The following BCAS3 variants were observed in gnomAD, a reference collection of about 807,000 sequenced individuals.
BCAS3 encodes BCAS3 microtubule associated cell migration factor.
A neutral mutation model predicts 116.1 loss-of-function variants in BCAS3; 53 were observed. The ratio of observed to expected loss-of-function variants is 0.46; its 90% CI spans 0.37 to 0.57. The LOEUF (loss-of-function observed/expected upper bound fraction) is 0.57, where lower values mean the gene tolerates loss of function less well. Ranked by LOEUF, BCAS3 falls within the 20% of genes least tolerant of loss-of-function variation. The pLI, the probability that BCAS3 is intolerant of heterozygous loss-of-function variation, is 0.00. For synonymous variants in BCAS3, 391 were observed against 408.2 expected (o/e 0.96, Z 0.51); for missense variants, 917 against 1,165.4 (o/e 0.79, Z 3.10).
intron 6 of BCAS3, among the ~76,000 whole-genome samples, chr17:60,759,450 T>G (rs1335487943): frequency 6.6e-6 from 1 of 152,302 alleles, no homozygotes; most frequent in Admixed American, 6.5e-5. Flanking sequence ...GAGTGATCTG[T>G]TTAATGCTGA....
rs1243417524 is a variant in BCAS3, at chr17:61,140,576, T to C, written c.2425+56012T>C. On this transcript the variant is annotated intron_variant, in intron 22 of 23. Transcript: ENST00000407086. This position sits in a 1 kb window ranked among gnomAD's most constrained non-coding sequence, Gnocchi z 4.2. Reference sequence around the variant, plus strand: ...TGTAAAGTCACATAAAAGTTGCTTATCTCTCCACTTTTTTTTTTTTTCTGG... The same window carrying C: ...TGTAAAGTCACATAAAAGTTGCTTACCTCTCCACTTTTTTTTTTTTTCTGG... 2.6e-5 allele frequency among the ~76,000 whole-genome samples: 4 copies of C among 151,602 alleles called. No individual in the cohort carries two copies. The highest frequency in any genetic ancestry group is 2.0e-4 in the Admixed American group (3 of 15,138).
chr17:60,992,665 C>A (rs1364011251), intron 15 of BCAS3, among the ~76,000 whole-genome samples: 1 of 151,032 alleles, frequency 6.6e-6, no homozygotes, highest in Non-Finnish European at 1.5e-5. Flanking sequence ...CATGTGCCCC[C>A]GAACATAAAA....
In BCAS3 at chr17:60,884,525, A is replaced by G. The variant is rs202051432; in HGVS notation, c.662-5170A>G. ...TGCTCTTGCTTTTCTAGTTCTTTTC[A>G]TTGTGATGTTAGGGTGTCTATTTTG... On this transcript the variant is annotated intron_variant, in intron 9 of 23. Coordinates refer to ENST00000407086, the MANE Select transcript of BCAS3 (RefSeq NM_017679.5). Among the ~76,000 whole-genome samples the G allele has an allele frequency of 5.1e-3, 742 of 145,832 alleles. 24 individuals carry two copies. Among genetic ancestry groups the G allele is most frequent in the Admixed American group, 0.043 (630 of 14,792 alleles).
intron 14 of BCAS3, among the ~76,000 whole-genome samples, chr17:60,974,984 T>C (rs1047537411): frequency 1.4e-5 from 2 of 139,204 alleles, no homozygotes; most frequent in African/African-American, 6.9e-5. Flanking sequence ...TTTTTTTTGT[T>C]TTTTTTGCTT....
At chr17:60,973,786 C>A (rs970677763) in intron 14 of BCAS3, among the ~76,000 whole-genome samples, 1 of 151,706 alleles carries the variant, frequency 6.6e-6, no homozygotes, top group Non-Finnish European at 1.5e-5. Flanking sequence ...GATACAGGGT[C>A]TCACCATGTT....
intron 22 of BCAS3, among the ~76,000 whole-genome samples, chr17:61,110,370 A>G (rs2074979771): frequency 6.6e-6 from 1 of 152,186 alleles, no homozygotes; most frequent in Non-Finnish European, 1.5e-5. Flanking sequence ...CAGTGGGCGC[A>G]GGTCAGTGGG....
rs1057344898 is a variant in BCAS3 at position 61,333,522 on chromosome 17, A to G, written c.2426-34805A>G. On this transcript the variant is annotated intron_variant, in intron 22 of 23. Coordinates refer to ENST00000407086, the MANE Select transcript of BCAS3 (RefSeq NM_017679.5). This position sits in a 1 kb window ranked among gnomAD's most constrained non-coding sequence, Gnocchi z 4.8. ...TTGCCAATCCCGTGCAAACCACGCAATGTCTGCCAGCGCTCACTGCCTTCC... is the reference window on the plus strand; with the variant it reads ...TTGCCAATCCCGTGCAAACCACGCAGTGTCTGCCAGCGCTCACTGCCTTCC... Among the ~76,000 whole-genome samples the G allele has an allele frequency of 2.6e-5, 4 of 151,998 alleles. No individual in the cohort carries two copies. Among genetic ancestry groups the G allele is most frequent in the African/African-American group, 7.2e-5 (3 of 41,386 alleles).
chr17:61,061,746 A>C (rs1237381194), intron 19 of BCAS3, among the ~76,000 whole-genome samples: 1 of 152,180 alleles, frequency 6.6e-6, no homozygotes, highest in Non-Finnish European at 1.5e-5. Flanking sequence ...TGGCTGTGAG[A>C]ATACCGTTGC....
chr17:60,952,230 G>A (rs2060883059), intron 14 of BCAS3, among the ~76,000 whole-genome samples: 1 of 152,052 alleles, frequency 6.6e-6, no homozygotes, highest in Non-Finnish European at 1.5e-5. Flanking sequence ...CAGGAAATGG[G>A]TTTGCACATT....
Position 61,041,010 on chromosome 17 carries a change from A to G in BCAS3, c.2029+118A>G, listed in dbSNP as rs2067463142. On this transcript the variant is annotated intron_variant, in intron 19 of 23. Transcript: ENST00000407086. This position sits in a 1 kb window ranked among gnomAD's most constrained non-coding sequence, Gnocchi z 4.7. ...CATAGGCCATGGGCCTTAAAGAATC[A>G]GTTTGAGGCAAATAAGATATTTAAT... 1 of 757,930 alleles carries G rather than the reference A, an allele frequency of 1.3e-6. No individual in the cohort carries two copies. Among genetic ancestry groups the G allele is most frequent in the South Asian group, 1.7e-5 (1 of 57,332 alleles). 47.0% of individuals were successfully genotyped at this position (757,930 alleles called of 1,614,324 possible).
intron 6 of BCAS3, among the ~76,000 whole-genome samples, chr17:60,792,091 C>A (rs1274661037): frequency 6.6e-6 from 1 of 152,182 alleles, no homozygotes; most frequent in African/African-American, 2.4e-5. Flanking sequence ...CCACTGTACT[C>A]CATCTTGGGC....
At chr17:61,163,709 A>G (rs2144074749) in intron 22 of BCAS3, among the ~76,000 whole-genome samples, 1 of 152,206 alleles carries the variant, frequency 6.6e-6, no homozygotes. Context: ...TCAAATAGCC[A>G]GGCACGGTGG....
In BCAS3 at chr17:60,727,132, C is replaced by A. The variant is rs1017322998; in HGVS notation, c.321+17807C>A. ...AATTTTTCTATGGCTTCAACATTTT[C>A]TCTTCAAAATTAAAAGAAAAATATC... On this transcript the variant is annotated intron_variant, in intron 5 of 23. Coordinates refer to ENST00000407086, the MANE Select transcript of BCAS3 (RefSeq NM_017679.5). 2.8e-5 allele frequency: 14 copies of A among 503,024 alleles called. No homozygotes were observed. The South Asian group carries it at 4.0e-4, about 14-fold the overall frequency. The allele number at this position is 503,024 out of a possible 1,614,324, so 31.2% of individuals were successfully genotyped here. A position where few individuals can be genotyped will look rare whatever the true frequency, so the allele number is the denominator to read the frequency against.
chr17:60,885,706 C>G (rs2056575308), intron 9 of BCAS3, among the ~76,000 whole-genome samples: 1 of 147,608 alleles, frequency 6.8e-6, no homozygotes, highest in East Asian at 2.1e-4. Context: ...ACTTATGAAG[C>G]TTAGTTTGGC....
At chr17:60,740,348 T>A (rs2041413470) in intron 5 of BCAS3, among the ~76,000 whole-genome samples, 2 of 151,196 alleles carry the variant, frequency 1.3e-5, no homozygotes, top group Admixed American at 1.3e-4. Context: ...TACAAAAAAA[T>A]TCAGCTGGGC....
chr17:60,815,284 G>C (rs1315673746), intron 7 of BCAS3, among the ~76,000 whole-genome samples: 1 of 152,060 alleles, frequency 6.6e-6, no homozygotes, highest in African/African-American at 2.4e-5. Context: ...TCACACACCG[G>C]GGCCTGTCAT....
chr17:60,811,215 C>G, intron 7 of BCAS3: 1 of 742,218 alleles, frequency 1.3e-6, no homozygotes, highest in Non-Finnish European at 2.3e-6. Context: ...AGAGTCAGAG[C>G]TGGCACAGAC....
chr17:60,763,530 A>T (rs9674647), intron 6 of BCAS3, among the ~76,000 whole-genome samples: 1 of 151,914 alleles, frequency 6.6e-6, no homozygotes, highest in African/African-American at 2.4e-5. Context: ...CCAGCCTTGC[A>T]TCCCAGGGAT....
In BCAS3 at chr17:61,235,271, G is replaced by A. The variant is rs1351690193; in HGVS notation, c.2426-133056G>A. On this transcript the variant is annotated intron_variant, in intron 22 of 23. Coordinates refer to ENST00000407086, the MANE Select transcript of BCAS3 (RefSeq NM_017679.5). This position sits in a 1 kb window ranked among gnomAD's most constrained non-coding sequence, Gnocchi z 5.0. ...AAGAGTGGCCAGGTGAAGGCTGAAG[G>A]ACCGGATAAGTGTAGTTTCCAGAAT... Among the ~76,000 whole-genome samples, 1 of 152,178 alleles carries A rather than the reference G, an allele frequency of 6.6e-6. No individual in the cohort carries two copies. The highest frequency in any genetic ancestry group is 1.5e-5 in the Non-Finnish European group (1 of 68,038).
Sources: gnomAD v4.1 joint callset for allele counts (sites outside exome capture counted in the v4.1 genomes callset) on GRCh38, gnomAD v4.1.1 for gene constraint, Gnocchi (gnomAD v3.1) non-coding constraint, MANE v1.5 for transcripts, NCBI Gene and HGNC (gene_info 2026-07-23, HGNC 2026-07-21) for gene names.